The following ZBTB20 variants were observed in gnomAD, a reference collection of about 807,000 sequenced individuals.
ZBTB20 encodes the protein zinc finger and BTB domain-containing protein 20.
ZBTB20 carries 9 observed loss-of-function variants against 56.9 expected under a neutral mutation model. The observed-to-expected ratio is 0.16, with a 90% CI of 0.10 to 0.28. ZBTB20 has a LOEUF of 0.28. Ranked by LOEUF, ZBTB20 falls within the 10% of genes least tolerant of loss-of-function variation. The probability of loss-of-function intolerance (pLI) is 1.00; values close to 1 mark genes in which losing one functional copy is unlikely to be tolerated. For missense variants in ZBTB20, 655 were observed against 1,003.0 expected (o/e 0.65, Z 4.69); for synonymous variants, 417 against 420.7 (o/e 0.99, Z 0.11).
At chr3:114,758,345 T>C (rs1388264348) in intron 5 of ZBTB20, among the ~76,000 whole-genome samples, 1 of 152,128 alleles carries the variant, frequency 6.6e-6, no homozygotes, top group Non-Finnish European at 1.5e-5. Flanking sequence ...TGATTAACAT[T>C]ACAGATAAAA....
intron 1 of ZBTB20, among the ~76,000 whole-genome samples, chr3:115,083,321 T>G (rs1001879263): frequency 6.6e-6 from 1 of 152,020 alleles, no homozygotes; most frequent in Admixed American, 6.6e-5. Context: ...GCCTAGAGTT[T>G]ATAAATCCAA....
At chr3:114,846,991 T>G (rs1378751990) in intron 4 of ZBTB20, among the ~76,000 whole-genome samples, 2 of 152,294 alleles carry the variant, frequency 1.3e-5, no homozygotes, top group Admixed American at 6.5e-5. Flanking sequence ...TTACTCTTGA[T>G]CTAAAAATAT....
chr3:114,636,543 T>A (rs545104308), intron 6 of ZBTB20, among the ~76,000 whole-genome samples: 2 of 152,002 alleles, frequency 1.3e-5, no homozygotes, highest in Non-Finnish European at 2.9e-5. Context: ...AGTGTGTATA[T>A]AGGAGAAGTA....
chr3:114,771,945 T>G (rs910330472), intron 5 of ZBTB20, among the ~76,000 whole-genome samples: 1 of 152,220 alleles, frequency 6.6e-6, no homozygotes, highest in Non-Finnish European at 1.5e-5. Context: ...TGTTGCCATC[T>G]ATCTGACCAA....
At chr3:114,443,460 AT>A (rs2091057984) in intron 7 of ZBTB20, among the ~76,000 whole-genome samples, 1 of 152,178 alleles carries the variant, frequency 6.6e-6, no homozygotes, top group African/African-American at 2.4e-5. Flanking sequence ...ACACCACTGC[AT>A]TTTACAATGT....
intron 2 of ZBTB20, among the ~76,000 whole-genome samples, chr3:114,990,087 C>T (rs1425431191): frequency 1.3e-5 from 2 of 151,780 alleles, no homozygotes; most frequent in Non-Finnish European, 2.9e-5. Flanking sequence ...AATTGAATAC[C>T]CTGTATTTAT....
intron 6 of ZBTB20, among the ~76,000 whole-genome samples, chr3:114,627,923 C>T (rs994464917): frequency 6.6e-6 from 1 of 152,132 alleles, no homozygotes; most frequent in African/African-American, 2.4e-5. Context: ...GCATGCTGAA[C>T]TGTAGAGTTC....
At chr3:114,994,768 A>T (rs1203587088) in intron 2 of ZBTB20, among the ~76,000 whole-genome samples, 1 of 151,848 alleles carries the variant, frequency 6.6e-6, no homozygotes, top group Non-Finnish European at 1.5e-5. Context: ...GCTTTCTATG[A>T]CAGCAACCAC....
At chr3:114,941,001 A>C (rs1316152150) in intron 3 of ZBTB20, among the ~76,000 whole-genome samples, 1 of 146,412 alleles carries the variant, frequency 6.8e-6, no homozygotes, top group Admixed American at 6.6e-5. Flanking sequence ...CCACAGAGCG[A>C]ATTTGGTGTC....
chr3:114,563,002 A>T (rs1159431658), intron 6 of ZBTB20, among the ~76,000 whole-genome samples: 3 of 152,234 alleles, frequency 2.0e-5, no homozygotes, highest in Admixed American at 6.5e-5. Flanking sequence ...CCAAAATGTG[A>T]CACAGAGACA....
chr3:114,561,374 A>G (rs2052029032), intron 6 of ZBTB20, among the ~76,000 whole-genome samples: 1 of 152,200 alleles, frequency 6.6e-6, no homozygotes, highest in African/African-American at 2.4e-5. Flanking sequence ...TATGTCGATG[A>G]TAGAAATCAC....
rs569674602 is a variant in ZBTB20, at chr3:114,667,255, A to G, written c.-295+26273T>C. Among the ~76,000 whole-genome samples the G allele has an allele frequency of 2.0e-5, 3 of 152,148 alleles. No homozygotes were observed. The South Asian group carries it at 6.2e-4, about 31-fold the overall frequency. ...ACACAAATTGCTAGGTTCATGATAA[A>G]CAGAGCACATCTGTAAACAAAATAA... On this transcript the variant is annotated intron_variant, in intron 6 of 11. Transcript: ENST00000675478.
At chr3:115,008,171 A>G (rs2079552751) in intron 2 of ZBTB20, among the ~76,000 whole-genome samples, 1 of 151,904 alleles carries the variant, frequency 6.6e-6, no homozygotes, top group Non-Finnish European at 1.5e-5. Context: ...TGACTATGGA[A>G]TATCTTTAGC....
intron 4 of ZBTB20, among the ~76,000 whole-genome samples, chr3:114,809,538 T>TA (rs1166847433): frequency 6.6e-6 from 1 of 152,166 alleles, no homozygotes; most frequent in Non-Finnish European, 1.5e-5. Flanking sequence ...CTTATGTTTA[T>TA]ATTGATACTC....
rs1244347003 is a variant in ZBTB20, at chr3:114,462,763, T to C, written c.-255+37589A>G. Among the ~76,000 whole-genome samples, 3 of 152,192 alleles carry C rather than the reference T, an allele frequency of 2.0e-5. No individual in the cohort carries two copies. The East Asian group carries it at 5.8e-4, about 29-fold the overall frequency. On this transcript the variant is annotated intron_variant, in intron 7 of 11. Transcript: ENST00000675478. ...ACACAACTATGATTTTCATGGAAAA[T>C]CATCAGAATTTTATCCAATCTCTGA...
chr3:114,345,330 G>A lies in ZBTB20; in HGVS notation c.1804+4944C>T, dbSNP rs540126617. On this transcript the variant is annotated intron_variant, in intron 11 of 11. Transcript: ENST00000675478. ...ACAGAGTTTACATTCTAAAGGGAAG[G>A]TGTAAAGATAATACATGATGATATG... Among the ~76,000 whole-genome samples, 7 of 152,166 alleles carry A rather than the reference G, an allele frequency of 4.6e-5. No individual in the cohort carries two copies. The South Asian group carries it at 1.5e-3, about 32-fold the overall frequency.
chr3:114,812,211 G>C (rs1560278637), intron 4 of ZBTB20, among the ~76,000 whole-genome samples: 1 of 152,162 alleles, frequency 6.6e-6, no homozygotes, highest in African/African-American at 2.4e-5. Context: ...CTCTTATCTG[G>C]CGCCACCCAC....
intron 3 of ZBTB20, among the ~76,000 whole-genome samples, chr3:114,959,191 G>A (rs567517377): frequency 2.0e-5 from 3 of 152,020 alleles, no homozygotes; most frequent in Non-Finnish European, 4.4e-5. Context: ...TTTTAAAACA[G>A]AATACCACAC....
intron 2 of ZBTB20, among the ~76,000 whole-genome samples, chr3:115,013,859 G>C (rs924236679): frequency 6.6e-6 from 1 of 151,364 alleles, no homozygotes; most frequent in African/African-American, 2.4e-5. Context: ...CAGTTTGGAA[G>C]TTCCTCAAAA....
Sources: gnomAD v4.1 joint callset for allele counts (sites outside exome capture counted in the v4.1 genomes callset) on GRCh38, gnomAD v4.1.1 for gene constraint, MANE v1.5 for transcripts, NCBI Gene and HGNC (gene_info 2026-07-23, HGNC 2026-07-21) for gene names.